The following PEX14 variants were observed in gnomAD, a reference collection of about 807,000 sequenced individuals.
PEX14 encodes the protein peroxisomal membrane protein PEX14.
PEX14 carries 15 observed loss-of-function variants against 49.5 expected under a neutral mutation model. The ratio of observed to expected loss-of-function variants is 0.30; its 90% CI spans 0.20 to 0.47. PEX14 has a LOEUF of 0.47. PEX14 is among the 20% of genes least tolerant of loss of function. The probability of loss-of-function intolerance (pLI) is 1.00; values close to 1 mark genes in which losing one functional copy is unlikely to be tolerated. For missense variants in PEX14, 398 were observed against 494.8 expected (o/e 0.80, Z 1.86); for synonymous variants, 210 against 212.7 (o/e 0.99, Z 0.11).
chr1:10,601,262 CAAAAAAAAAA>C (rs58910333), intron 4 of PEX14, among the ~76,000 whole-genome samples: 1 of 57,032 alleles, frequency 1.8e-5, no homozygotes, highest in Non-Finnish European at 3.9e-5. Context: ...GACTCTGTCT[CAAAAAAAAAA>C]AAAAAAAAAA....
At chr1:10,500,399 A>G (rs1475102323) in intron 2 of PEX14, among the ~76,000 whole-genome samples, 3 of 147,268 alleles carry the variant, frequency 2.0e-5, no homozygotes, top group South Asian at 2.1e-4. Context: ...AAAAAAAAAA[A>G]AAAGAAAAGA....
At chr1:10,515,131 A>G (rs549029633) in intron 2 of PEX14, among the ~76,000 whole-genome samples, 12 of 152,350 alleles carry the variant, frequency 7.9e-5, no homozygotes, top group Admixed American at 2.0e-4. Context: ...ATACTGTGTC[A>G]GTTTAATAAA....
intron 5 of PEX14, among the ~76,000 whole-genome samples, chr1:10,620,901 G>C (rs917041375): frequency 6.6e-6 from 1 of 152,326 alleles, no homozygotes; most frequent in South Asian, 2.1e-4. Context: ...CTGTATACAA[G>C]CACCAAGAAG....
At chr1:10,484,028 C>CTT (rs200948766) in intron 1 of PEX14, among the ~76,000 whole-genome samples, 21 of 132,410 alleles carry the variant, frequency 1.6e-4, no homozygotes, top group Middle Eastern at 3.8e-3. Context: ...AATGAATTAC[C>CTT]TTTTTTTTTT....
intron 3 of PEX14, among the ~76,000 whole-genome samples, chr1:10,549,942 C>CCCATCCAT (rs780618165): frequency 1.3e-5 from 2 of 152,108 alleles, no homozygotes; most frequent in Non-Finnish European, 2.9e-5. Context: ...TCATCCACCA[C>CCCATCCAT]CCATCCATCC....
At chr1:10,612,877 T>A (rs1210713531) in intron 4 of PEX14, among the ~76,000 whole-genome samples, 1 of 152,240 alleles carries the variant, frequency 6.6e-6, no homozygotes, top group East Asian at 1.9e-4. Context: ...CACTGCTGTA[T>A]AGAGACATGG....
At chr1:10,526,376 A>G (rs2480783) in intron 2 of PEX14, among the ~76,000 whole-genome samples, 147,659 of 152,092 alleles carry the variant, frequency 0.97, 71,820 homozygotes, top group East Asian at 1. Context: ...GAACCACCAC[A>G]CCCAGCTAAG....
chr1:10,588,512 G>A lies in PEX14; in HGVS notation c.170-10726G>A, dbSNP rs572206323. On this transcript the variant is annotated intron_variant, in intron 3 of 8. Coordinates refer to ENST00000356607, the MANE Select transcript of PEX14 (RefSeq NM_004565.3). ...CCGAGGCCAACCAAAGTCCAAAAAT[G>A]TTTAAATGGAAAATTCCAGAAATAA... Among the ~76,000 whole-genome samples the A allele has an allele frequency of 1.1e-4, 17 of 152,266 alleles. No homozygotes were observed. In the Middle Eastern group the frequency reaches 0.014, roughly 122 times the overall value.
chr1:10,562,438 C>G (rs1318387911), intron 3 of PEX14, among the ~76,000 whole-genome samples: 2 of 152,200 alleles, frequency 1.3e-5, no homozygotes, highest in Non-Finnish European at 2.9e-5. Context: ...CTTTACCCCC[C>G]TTAATTTGGA....
At chr1:10,605,750 G>T (rs1045977589) in intron 4 of PEX14, among the ~76,000 whole-genome samples, 4 of 152,178 alleles carry the variant, frequency 2.6e-5, no homozygotes, top group African/African-American at 9.7e-5. Context: ...TTCTCTGCTG[G>T]TTTAGCAGAC....
chr1:10,510,627 G>A (rs1380518168), intron 2 of PEX14, among the ~76,000 whole-genome samples: 1 of 152,216 alleles, frequency 6.6e-6, no homozygotes, highest in East Asian at 1.9e-4. Flanking sequence ...TGGCACCTAG[G>A]CACTTTGCTA....
At chr1:10,614,390 G>A (rs756730219) in intron 4 of PEX14, among the ~76,000 whole-genome samples, 13 of 152,188 alleles carry the variant, frequency 8.5e-5, no homozygotes, top group Non-Finnish European at 1.9e-4. Flanking sequence ...GAGCATGGCA[G>A]GAATGAGGAG....
At chr1:10,556,428 G>A (rs938456899) in intron 3 of PEX14, among the ~76,000 whole-genome samples, 3 of 152,080 alleles carry the variant, frequency 2.0e-5, no homozygotes, top group African/African-American at 7.2e-5. Context: ...TTCCTCTCAC[G>A]CACTTTGTCG....
At chr1:10,525,904 G>A (rs1332170011) in intron 2 of PEX14, among the ~76,000 whole-genome samples, 2 of 150,424 alleles carry the variant, frequency 1.3e-5, no homozygotes, top group East Asian at 1.9e-4. Flanking sequence ...GGTTGCAGGC[G>A]TGAGCCACTG....
At chr1:10,550,618 C>T (rs1257694130) in intron 3 of PEX14, among the ~76,000 whole-genome samples, 1 of 152,194 alleles carries the variant, frequency 6.6e-6, no homozygotes, top group Non-Finnish European at 1.5e-5. Context: ...GTGTATTTTG[C>T]TTTACAGCTT....
At position 10,474,978 on chromosome 1, in the gene PEX14, G is replaced by A. The variant is rs1372422981; in HGVS notation, c.12G>A (p.Ser4=). ...CAGGCCTCAGAAAGATGGCGTCCTC[G>A]GAGCAGGCAGAGCAGCCGAGCCAGG... MAS[S]EQAEQPSQPS... Residue 4 remains serine, a synonymous_variant, in exon 1 of 9, where the codon TCG becomes TCA. Coordinates refer to ENST00000356607, the MANE Select transcript of PEX14 (RefSeq NM_004565.3). 3.1e-6 allele frequency: 5 copies of A among 1,609,434 alleles called. No individual in the cohort carries two copies. Among genetic ancestry groups the A allele is most frequent in the Non-Finnish European group, 4.2e-6 (5 of 1,178,304 alleles).
intron 3 of PEX14, among the ~76,000 whole-genome samples, chr1:10,561,205 A>G (rs1329840535): frequency 6.6e-6 from 1 of 152,214 alleles, no homozygotes; most frequent in African/African-American, 2.4e-5. Flanking sequence ...CATAGAAGAA[A>G]ATTAACACTA....
chr1:10,591,178 T>G (rs1204606421), intron 3 of PEX14, among the ~76,000 whole-genome samples: 2 of 152,204 alleles, frequency 1.3e-5, no homozygotes, highest in African/African-American at 2.4e-5. Context: ...AAGCAAATAT[T>G]TAGAGCTGAA....
chr1:10,497,031 A>G (rs1446144685), intron 2 of PEX14, among the ~76,000 whole-genome samples: 2 of 151,944 alleles, frequency 1.3e-5, no homozygotes, highest in African/African-American at 4.8e-5. Flanking sequence ...GGCTGATCCT[A>G]TGAGTTGGGT....
Sources: gnomAD v4.1 joint callset for allele counts (sites outside exome capture counted in the v4.1 genomes callset) on GRCh38, gnomAD v4.1.1 for gene constraint, MANE v1.5 for transcripts, NCBI Gene and HGNC (gene_info 2026-07-23, HGNC 2026-07-21) for gene names.